The following CSMD1 variants were observed in gnomAD, a reference collection of about 807,000 sequenced individuals.
The protein encoded by CSMD1 is CUB and sushi domain-containing protein 1.
CSMD1 carries 213 observed loss-of-function variants against 417.5 expected under a neutral mutation model. The ratio of observed to expected loss-of-function variants is 0.51; its 90% confidence interval spans 0.46 to 0.57. The LOEUF (loss-of-function observed/expected upper bound fraction) is 0.57. CSMD1 is among the 20% of genes least tolerant of loss of function. The pLI is 0.00. For missense variants in CSMD1, 6,923 were observed against 4,529.7 expected, an observed-to-expected ratio of 1.53 and a Z score of -15.17; for synonymous variants, 2,862 against 1,736.8, an observed-to-expected ratio of 1.65 and a Z score of -16.11.
rs1363762859 is a variant in CSMD1, at chr8:3,302,440, G to C, written c.3950+5255C>G. ...CAGCAGTGGCAATGTTCCCACCTCA[G>C]CTATTTCTCCTGTAATTCCATTTAT... On this transcript the variant is annotated intron_variant, in intron 25 of 69. Coordinates refer to ENST00000635120, the MANE Select transcript of CSMD1 (RefSeq NM_033225.6). 2.6e-5 allele frequency among the ~76,000 whole-genome samples: 4 copies of C among 152,128 alleles called. No homozygotes were observed. In the East Asian group the frequency reaches 5.8e-4, roughly 22 times the overall value.
intron 10 of CSMD1, among the ~76,000 whole-genome samples, chr8:3,555,036 G>C (rs777556781): frequency 1.3e-5 from 2 of 152,092 alleles, no homozygotes; most frequent in African/African-American, 2.4e-5. Flanking sequence ...TGTGCGTGAG[G>C]AGTCCTCCGC....
intron 5 of CSMD1, among the ~76,000 whole-genome samples, chr8:3,975,450 G>A (rs1395061543): frequency 6.6e-6 from 1 of 151,996 alleles, no homozygotes; most frequent in Non-Finnish European, 1.5e-5. Flanking sequence ...AATTCAATTA[G>A]AAAATGCACT....
chr8:3,229,621 A>G (rs1038430094), intron 27 of CSMD1, among the ~76,000 whole-genome samples: 5 of 152,160 alleles, frequency 3.3e-5, no homozygotes, highest in African/African-American at 1.2e-4. Context: ...AAATGTACTA[A>G]TATCATAGGG....
At chr8:3,106,851 T>C in intron 45 of CSMD1, 1 of 403,810 alleles carries the variant, frequency 2.5e-6, no homozygotes, top group South Asian at 6.2e-5. Context: ...CCGATATTAG[T>C]ACTGAAATGA....
At chr8:4,452,761 C>G (rs971810900) in intron 2 of CSMD1, among the ~76,000 whole-genome samples, 1 of 151,966 alleles carries the variant, frequency 6.6e-6, no homozygotes, top group Non-Finnish European at 1.5e-5. Context: ...AACATATCAT[C>G]CAATAACACA....
intron 5 of CSMD1, among the ~76,000 whole-genome samples, chr8:3,953,996 T>A (rs1353520085): frequency 6.6e-6 from 1 of 152,158 alleles, no homozygotes; most frequent in Non-Finnish European, 1.5e-5. Context: ...CTGGTGGTGA[T>A]GCCTCCAGGT....
intron 5 of CSMD1, among the ~76,000 whole-genome samples, chr8:3,788,869 C>T (rs1799582918): frequency 6.6e-6 from 1 of 152,090 alleles, no homozygotes; most frequent in African/African-American, 2.4e-5. Context: ...ATGATCTCGC[C>T]CATTTTATAC....
At chr8:4,489,322 G>T (rs1209750721) in intron 2 of CSMD1, among the ~76,000 whole-genome samples, 8 of 152,158 alleles carry the variant, frequency 5.3e-5, no homozygotes, top group Non-Finnish European at 1.2e-4. Flanking sequence ...AATGCATAAG[G>T]AAAAACTTAT....
intron 3 of CSMD1, among the ~76,000 whole-genome samples, chr8:4,176,929 G>A (rs1261030908): frequency 6.7e-6 from 1 of 149,496 alleles, no homozygotes; most frequent in African/African-American, 2.5e-5. Context: ...GATTCATAAA[G>A]CAAGTCCTCA....
intron 1 of CSMD1, among the ~76,000 whole-genome samples, chr8:4,858,170 A>T (rs539599368): frequency 6.7e-6 from 1 of 149,574 alleles, no homozygotes. Context: ...AAACCACATG[A>T]TTATCTCAAT....
rs773041531 is a variant in CSMD1, at chr8:3,052,557, T to A, written c.7565A>T (p.His2522Leu). The A allele has an allele frequency of 1.9e-6, 3 of 1,610,222 alleles. No homozygotes were observed. In the South Asian group the frequency reaches 3.3e-5, roughly 18 times the overall value. The change falls in exon 50 of 70, where the codon CAT becomes CTT. Residue 2522 changes from histidine (H) to leucine (L), a missense_variant. His to Leu is a moderately conservative substitution (Grantham distance 99, BLOSUM62 -3). Coordinates refer to ENST00000635120, the MANE Select transcript of CSMD1 (RefSeq NM_033225.6). ...TLDSKVVYEC[H>L]EGFKLESSQQ... The stretch of plus-strand genomic sequence containing the variant: ...GCTGGATTCAAGCTTGAAGCCCTCA[T>A]GACATTCATAGACCACTTTACTGTC...
chr8:4,186,834 GA>G (rs11406651), intron 3 of CSMD1, among the ~76,000 whole-genome samples: 17 of 145,104 alleles, frequency 1.2e-4, no homozygotes, highest in East Asian at 4.1e-4. Context: ...TAAAAATACA[GA>G]AAAAAAAAAA....
chr8:3,547,449 G>A (rs1413747991), intron 10 of CSMD1, among the ~76,000 whole-genome samples: 1 of 152,102 alleles, frequency 6.6e-6, no homozygotes, highest in Non-Finnish European at 1.5e-5. Context: ...TGTATAAACG[G>A]ATCAGTAGGT....
chr8:4,758,411 T>C (rs374348202), intron 1 of CSMD1, among the ~76,000 whole-genome samples: 2 of 152,142 alleles, frequency 1.3e-5, no homozygotes, highest in Admixed American at 6.6e-5. Context: ...AGGCCATAGA[T>C]TGTAGAACAC....
intron 5 of CSMD1, among the ~76,000 whole-genome samples, chr8:3,804,281 A>C (rs952409542): frequency 1.3e-5 from 2 of 152,188 alleles, no homozygotes; most frequent in African/African-American, 2.4e-5. Flanking sequence ...TTGCAGGTGC[A>C]GAATACTAAA....
chr8:4,094,130 G>C (rs7011947), intron 3 of CSMD1, among the ~76,000 whole-genome samples: 46,960 of 152,020 alleles, frequency 0.31, 7,927 homozygotes, highest in East Asian at 0.54. Flanking sequence ...GTGCCTCCGT[G>C]TGTGGGGGGG....
At chr8:4,878,185 G>T (rs991858087) in intron 1 of CSMD1, among the ~76,000 whole-genome samples, 1 of 152,012 alleles carries the variant, frequency 6.6e-6, no homozygotes, top group African/African-American at 2.4e-5. Context: ...TTTGGAGGTG[G>T]TTCTTAAAAT....
At chr8:3,903,290 G>A (rs1023308075) in intron 5 of CSMD1, among the ~76,000 whole-genome samples, 33 of 150,694 alleles carry the variant, frequency 2.2e-4, no homozygotes, top group African/African-American at 6.9e-4. Flanking sequence ...TCCCACCCAT[G>A]TGTTTTTAGA....
chr8:4,707,384 G>C (rs1186400784), intron 1 of CSMD1, among the ~76,000 whole-genome samples: 1 of 152,140 alleles, frequency 6.6e-6, no homozygotes, highest in Non-Finnish European at 1.5e-5. Context: ...CCAAAAGCAT[G>C]TTTTTAATCG....
Sources: gnomAD v4.1 joint callset for allele counts (sites outside exome capture counted in the v4.1 genomes callset) on GRCh38, gnomAD v4.1.1 for gene constraint, MANE v1.5 for transcripts, NCBI Gene and HGNC (gene_info 2026-07-23, HGNC 2026-07-21) for gene names.